PIP4K2A: variants seen among roughly 807,000 people sequenced by gnomAD.
PIP4K2A encodes the protein phosphatidylinositol-5-phosphate 4-kinase type 2 alpha.
Under a neutral mutation model 42.9 loss-of-function variants are expected in PIP4K2A, and 14 were observed. The ratio of observed to expected loss-of-function variants is 0.33; its 90% CI spans 0.22 to 0.51. The LOEUF is 0.51. Ranked by LOEUF, PIP4K2A falls within the 20% of genes least tolerant of loss-of-function variation. PIP4K2A has a pLI of 0.97. For synonymous variants in PIP4K2A, 192 were observed against 192.2 expected (o/e 1.00, Z 0.01); for missense variants, 434 against 519.8 (o/e 0.83, Z 1.61).
At chr10:22,635,255 T>C (rs1414783926) in intron 1 of PIP4K2A, among the ~76,000 whole-genome samples, 1 of 152,106 alleles carries the variant, frequency 6.6e-6, no homozygotes, top group Non-Finnish European at 1.5e-5. Flanking sequence ...TGGTTGACAA[T>C]GAAATGTTAT....
chr10:22,661,554 T>A (rs542703760), intron 1 of PIP4K2A, among the ~76,000 whole-genome samples: 34 of 152,024 alleles, frequency 2.2e-4, no homozygotes, highest in Non-Finnish European at 4.4e-4. Context: ...GTAGAAACAA[T>A]GTCTCACTTT....
intron 4 of PIP4K2A, among the ~76,000 whole-genome samples, chr10:22,584,400 G>T (rs1189379048): frequency 6.6e-6 from 1 of 152,176 alleles, no homozygotes; most frequent in African/African-American, 2.4e-5. Flanking sequence ...CCAGAATTGG[G>T]CAGAGATGTT....
At position 22,686,681 on chromosome 10, in the gene PIP4K2A, G is replaced by A. The variant is rs371052044; in HGVS notation, c.144+27502C>T. ...AACGAGGTCTTGCTTTGTTGCCCAGGCTGGTCTCAAACTCCTGACTTCTAG... is the reference window on the plus strand; with the variant it reads ...AACGAGGTCTTGCTTTGTTGCCCAGACTGGTCTCAAACTCCTGACTTCTAG... On this transcript the variant is annotated intron_variant, in intron 1 of 9. Coordinates refer to ENST00000376573, the MANE Select transcript of PIP4K2A (RefSeq NM_005028.5). Among the ~76,000 whole-genome samples the A allele has an allele frequency of 2.0e-5, 3 of 152,142 alleles. No individual in the cohort carries two copies. The South Asian group carries it at 6.2e-4, about 32-fold the overall frequency.
intron 1 of PIP4K2A, among the ~76,000 whole-genome samples, chr10:22,708,288 G>GCC (rs1172196013): frequency 6.6e-6 from 1 of 152,118 alleles, no homozygotes; most frequent in Non-Finnish European, 1.5e-5. Flanking sequence ...ATCTAATTGT[G>GCC]CCGACCTCTG....
At chr10:22,619,919 G>C (rs570955620) in intron 1 of PIP4K2A, among the ~76,000 whole-genome samples, 14 of 152,300 alleles carry the variant, frequency 9.2e-5, no homozygotes, top group African/African-American at 3.4e-4. Flanking sequence ...TCAAAGGTGA[G>C]TAGGAATGAG....
intron 1 of PIP4K2A, among the ~76,000 whole-genome samples, chr10:22,637,610 T>C (rs1174059096): frequency 6.6e-6 from 1 of 152,196 alleles, no homozygotes; most frequent in African/African-American, 2.4e-5. Context: ...TTCTTCTTTG[T>C]GCAGTGAGGT....
At chr10:22,580,632 A>AAT (rs1197908579) in intron 4 of PIP4K2A, among the ~76,000 whole-genome samples, 57 of 152,222 alleles carry the variant, frequency 3.7e-4, no homozygotes, top group African/African-American at 1.3e-3. Context: ...CTTTTGTAAA[A>AAT]CACTGTTGGC....
chr10:22,701,670 G>C (rs538039945), intron 1 of PIP4K2A, among the ~76,000 whole-genome samples: 1 of 152,174 alleles, frequency 6.6e-6, no homozygotes, highest in African/African-American at 2.4e-5. Flanking sequence ...CTGCTGACAG[G>C]GTTATTCAGG....
chr10:22,657,867 C>T (rs1839131478), intron 1 of PIP4K2A, among the ~76,000 whole-genome samples: 1 of 152,118 alleles, frequency 6.6e-6, no homozygotes, highest in Non-Finnish European at 1.5e-5. Context: ...AATATGGGTG[C>T]AATCGCTAAA....
intron 1 of PIP4K2A, among the ~76,000 whole-genome samples, chr10:22,673,132 T>C (rs1839487595): frequency 1.3e-5 from 2 of 152,204 alleles, no homozygotes; most frequent in Admixed American, 6.5e-5. Flanking sequence ...CTGATCCCCA[T>C]GGTTATGACT....
At chr10:22,690,215 A>G (rs1839836893) in intron 1 of PIP4K2A, among the ~76,000 whole-genome samples, 1 of 152,220 alleles carries the variant, frequency 6.6e-6, no homozygotes, top group South Asian at 2.1e-4. Context: ...GAACAATCCC[A>G]AAATCTAGGT....
At chr10:22,688,607 C>T (rs1839804464) in intron 1 of PIP4K2A, among the ~76,000 whole-genome samples, 3 of 152,172 alleles carry the variant, frequency 2.0e-5, no homozygotes, top group East Asian at 1.9e-4. Context: ...CACTCACCAC[C>T]ATGCCTGGTT....
At chr10:22,686,641 T>A (rs189374262) in intron 1 of PIP4K2A, among the ~76,000 whole-genome samples, 1,895 of 151,834 alleles carry the variant, frequency 0.012, 18 homozygotes, top group Non-Finnish European at 0.019. Context: ...GTTAAAAAAA[T>A]TTTTTTTTAG....
At chr10:22,548,490 G>T (rs770282888) in intron 7 of PIP4K2A, among the ~76,000 whole-genome samples, 3 of 152,064 alleles carry the variant, frequency 2.0e-5, no homozygotes, top group Non-Finnish European at 4.4e-5. Flanking sequence ...AACCCTAAGG[G>T]CTACTTACCA....
chr10:22,630,714 T>C (rs1157661260), intron 1 of PIP4K2A, among the ~76,000 whole-genome samples: 7 of 152,178 alleles, frequency 4.6e-5, no homozygotes, highest in Non-Finnish European at 1.0e-4. Flanking sequence ...ACTCAAAAAC[T>C]TGAGCAACAG....
chr10:22,665,772 G>A (rs1489195765), intron 1 of PIP4K2A, among the ~76,000 whole-genome samples: 1 of 151,518 alleles, frequency 6.6e-6, no homozygotes. Context: ...ATGTTTAGAT[G>A]CAATATACTA....
In PIP4K2A at chr10:22,664,455, A is replaced by G. The variant is rs547597584; in HGVS notation, c.144+49728T>C. Among the ~76,000 whole-genome samples, 294 of 149,874 alleles carry G rather than the reference A, an allele frequency of 2.0e-3. 2 individuals are homozygous for G. Among genetic ancestry groups the G allele is most frequent in the African/African-American group, 6.5e-3 (266 of 40,838 alleles). On this transcript the variant is annotated intron_variant, in intron 1 of 9. Coordinates refer to ENST00000376573, the MANE Select transcript of PIP4K2A (RefSeq NM_005028.5). ...GTTTTTTTAATTCCATTTTCTACAG[A>G]ATTACTTTTTCTTGGTGATCACACA...
At chr10:22,695,237 G>C (rs143789435) in intron 1 of PIP4K2A, among the ~76,000 whole-genome samples, 2 of 152,042 alleles carry the variant, frequency 1.3e-5, no homozygotes, top group Non-Finnish European at 2.9e-5. Flanking sequence ...AATATTTACC[G>C]TCAGTGGATC....
At chr10:22,569,177 G>C in intron 5 of PIP4K2A, 1 of 733,252 alleles carries the variant, frequency 1.4e-6, no homozygotes, top group Non-Finnish European at 2.3e-6. Flanking sequence ...CTCACATTGG[G>C]GAAGGGAGCC....
Sources: gnomAD v4.1 joint callset for allele counts (sites outside exome capture counted in the v4.1 genomes callset) on GRCh38, gnomAD v4.1.1 for gene constraint, MANE v1.5 for transcripts, NCBI Gene and HGNC (gene_info 2026-07-23, HGNC 2026-07-21) for gene names.